GBE1: variants seen among roughly 807,000 people sequenced by gnomAD.
The protein encoded by GBE1 is 1,4-alpha-glucan branching enzyme 1.
GBE1 carries 70 observed loss-of-function variants against 88.8 expected under a neutral mutation model. The ratio of observed to expected loss-of-function variants is 0.79; its 90% CI spans 0.65 to 0.96. The LOEUF is 0.96. Ranked by LOEUF, GBE1 falls within the 40% of genes least tolerant of loss-of-function variation. The pLI is 0.00. For synonymous variants in GBE1, 284 were observed against 300.1 expected (o/e 0.95, Z 0.56); for missense variants, 872 against 871.0 (o/e 1.00, Z -0.01).
At chr3:81,656,390 C>G (rs540595543) in intron 3 of GBE1, among the ~76,000 whole-genome samples, 1 of 152,228 alleles carries the variant, frequency 6.6e-6, no homozygotes, top group South Asian at 2.1e-4. Context: ...CTTCCAGAAG[C>G]TGAAAATGTC....
At chr3:81,699,980 A>G (rs1705663564) in intron 2 of GBE1, among the ~76,000 whole-genome samples, 1 of 152,196 alleles carries the variant, frequency 6.6e-6, no homozygotes, top group African/African-American at 2.4e-5. Flanking sequence ...TACAAGCTGA[A>G]GTTTTTAGAG....
intron 8 of GBE1, among the ~76,000 whole-genome samples, chr3:81,592,464 C>T (rs1703893123): frequency 6.6e-6 from 1 of 151,916 alleles, no homozygotes; most frequent in Admixed American, 6.6e-5. Flanking sequence ...TGATAAATTT[C>T]CCTTTATTAC....
Position 81,761,518 on chromosome 3 carries a change from A to C in GBE1, c.-1T>G. On this transcript the variant is annotated 5_prime_UTR_variant, in exon 1 of 16. Transcript: ENST00000429644. Reference sequence around the variant, plus strand: ...CCGCGGGAGTCATCGGAGCCGCCATATTCCGCCGCAGTCCAAGTAGCCGAG... The same window carrying C: ...CCGCGGGAGTCATCGGAGCCGCCATCTTCCGCCGCAGTCCAAGTAGCCGAG... The C allele has an allele frequency of 3.1e-6, 5 of 1,606,262 alleles. No individual in the cohort carries two copies. The highest frequency in any genetic ancestry group is 4.2e-6 in the Non-Finnish European group (5 of 1,177,424).
At chr3:81,703,973 C>T (rs976015325) in intron 2 of GBE1, among the ~76,000 whole-genome samples, 2 of 151,818 alleles carry the variant, frequency 1.3e-5, no homozygotes, top group East Asian at 1.9e-4. Context: ...TTGGTATCCA[C>T]GAGAAGTTGT....
At chr3:81,553,024 C>T (rs770906928) in intron 12 of GBE1, among the ~76,000 whole-genome samples, 14 of 152,102 alleles carry the variant, frequency 9.2e-5, no homozygotes, top group Admixed American at 2.0e-4. Flanking sequence ...GATGTCTCTG[C>T]GTACTTTTCA....
At chr3:81,674,363 G>A (rs1705225850) in intron 2 of GBE1, among the ~76,000 whole-genome samples, 1 of 151,800 alleles carries the variant, frequency 6.6e-6, no homozygotes, top group Admixed American at 6.6e-5. Context: ...AGAATAATCA[G>A]GAAAATCATT....
chr3:81,727,478 T>C (rs1706130528), intron 1 of GBE1, among the ~76,000 whole-genome samples: 1 of 152,210 alleles, frequency 6.6e-6, no homozygotes, highest in Non-Finnish European at 1.5e-5. Flanking sequence ...TTAATTTGAA[T>C]TGTTATAGAT....
chr3:81,539,175 C>A (rs529463502), intron 12 of GBE1, among the ~76,000 whole-genome samples: 25 of 152,130 alleles, frequency 1.6e-4, no homozygotes, highest in African/African-American at 5.5e-4. Context: ...CCCAGTTAGT[C>A]TGGTTTCAGC....
In GBE1 at chr3:81,670,940, T is replaced by C. The variant is rs1200105843; in HGVS notation, c.327A>G (p.Pro109=). 2.6e-6 allele frequency: 4 copies of C among 1,547,080 alleles called. No homozygotes were observed. In the Admixed American group the frequency reaches 7.8e-5, roughly 30 times the overall value. ...FLTGDFNGWN[P]FSYPYKKLDY... ...CCAGTTTTTTGTATGGGTACGAAAATGGATTCCAACCATCTAAAAAAATGA... is the reference window on the plus strand; with the variant it reads ...CCAGTTTTTTGTATGGGTACGAAAACGGATTCCAACCATCTAAAAAAATGA... The change falls in exon 3 of 16, where the codon CCA becomes CCG. Residue 109 remains proline (P), a synonymous_variant. Transcript: ENST00000429644.
chr3:81,569,523 T>C (rs1172135951), intron 12 of GBE1, among the ~76,000 whole-genome samples: 1 of 152,214 alleles, frequency 6.6e-6, no homozygotes, highest in Non-Finnish European at 1.5e-5. Context: ...GAGTTGCTTA[T>C]ACAGCACTAC....
intron 7 of GBE1, among the ~76,000 whole-genome samples, chr3:81,633,374 T>C (rs1035813402): frequency 2.6e-5 from 4 of 152,192 alleles, no homozygotes; most frequent in African/African-American, 9.6e-5. Context: ...CTTAGAAAGA[T>C]TAACCTGGCT....
At chr3:81,745,589 G>T (rs898567530) in intron 1 of GBE1, among the ~76,000 whole-genome samples, 2 of 151,904 alleles carry the variant, frequency 1.3e-5, no homozygotes, top group African/African-American at 4.8e-5. Context: ...ACTTGGTAGA[G>T]ATCACTTTTG....
intron 14 of GBE1, among the ~76,000 whole-genome samples, chr3:81,500,131 T>A (rs1702569167): frequency 6.6e-6 from 1 of 152,168 alleles, no homozygotes; most frequent in Non-Finnish European, 1.5e-5. Flanking sequence ...TTTGTCTAAG[T>A]CAGAGATGAA....
At chr3:81,718,129 G>A (rs975443658) in intron 1 of GBE1, among the ~76,000 whole-genome samples, 3 of 151,770 alleles carry the variant, frequency 2.0e-5, no homozygotes, top group Non-Finnish European at 4.4e-5. Flanking sequence ...ACAGGCGTGC[G>A]CCACCACGCC....
At chr3:81,620,400 T>C (rs952179079) in intron 7 of GBE1, among the ~76,000 whole-genome samples, 2 of 152,026 alleles carry the variant, frequency 1.3e-5, no homozygotes, top group Non-Finnish European at 2.9e-5. Flanking sequence ...GCCAGACTAG[T>C]CTTGAACTCC....
chr3:81,687,814 A>G (rs190723557), intron 2 of GBE1, among the ~76,000 whole-genome samples: 92 of 152,370 alleles, frequency 6.0e-4, no homozygotes, highest in Non-Finnish European at 1.1e-3. Context: ...AGTCTGGAGT[A>G]GCATCAAAGA....
intron 2 of GBE1, among the ~76,000 whole-genome samples, chr3:81,699,615 G>C (rs996605200): frequency 6.6e-6 from 1 of 152,132 alleles, no homozygotes; most frequent in Non-Finnish European, 1.5e-5. Flanking sequence ...TGACGTTCAA[G>C]GGCTTTAAGC....
Position 81,490,445 on chromosome 3 carries a change from C to T in GBE1, c.2071G>A (p.Val691Met), listed in dbSNP as rs1026316402. The change falls in exon 16 of 16, where the codon GTG (valine) becomes ATG (methionine). Residue 691 changes from valine (V) to methionine (M), a missense_variant. By Grantham distance (21) the Val-to-Met change is conservative. Coordinates refer to ENST00000429644, the MANE Select transcript of GBE1 (RefSeq NM_000158.4). ...YSLLVYIPSR[V>M]ALILQNVDLP... Reference sequence around the variant, plus strand: ...TCCACATTCTGAAGGATGAGGGCCACTCTGCTTGGAATGTACACCTACGTC... The same window carrying T: ...TCCACATTCTGAAGGATGAGGGCCATTCTGCTTGGAATGTACACCTACGTC... 12 of 1,612,992 alleles carry T rather than the reference C, an allele frequency of 7.4e-6. No homozygotes were observed. Among genetic ancestry groups the T allele is most frequent in the African/African-American group, 1.3e-5 (1 of 74,840 alleles).
At chr3:81,630,275 A>C (rs1198711409) in intron 7 of GBE1, among the ~76,000 whole-genome samples, 1 of 152,188 alleles carries the variant, frequency 6.6e-6, no homozygotes, top group African/African-American at 2.4e-5. Flanking sequence ...AAGAGGATAC[A>C]AACAAATGGA....
Sources: allele counts gnomAD v4.1 joint callset (sites outside exome capture counted in the v4.1 genomes callset), GRCh38; gene constraint gnomAD v4.1.1; transcripts MANE v1.5; gene names NCBI Gene and HGNC (gene_info 2026-07-23, HGNC 2026-07-21).